The following MBNL1 variants were observed in gnomAD, a reference collection of about 807,000 sequenced individuals.
MBNL1 encodes the protein muscleblind like splicing regulator 1.
A neutral mutation model predicts 42.2 loss-of-function variants in MBNL1; 8 were observed. The observed-to-expected ratio is 0.19, with a 90% CI of 0.11 to 0.34. The LOEUF (loss-of-function observed/expected upper bound fraction) is 0.34. Among genes scored for constraint, MBNL1 ranks in the 10% least tolerant of loss-of-function variants. MBNL1 has a pLI of 1.00. For missense variants in MBNL1, 309 were observed against 495.3 expected, an observed-to-expected ratio of 0.62 and a Z score of 3.57; for synonymous variants, 169 against 173.9, an observed-to-expected ratio of 0.97 and a Z score of 0.22.
chr3:152,247,586 T>G (rs1334446810), intron 2 of MBNL1, among the ~76,000 whole-genome samples: 3 of 152,016 alleles, frequency 2.0e-5, no homozygotes, highest in Non-Finnish European at 4.4e-5. Context: ...CACTGTTCAT[T>G]AATTTTTAAT....
intron 2 of MBNL1, among the ~76,000 whole-genome samples, chr3:152,409,769 C>T (rs2098522567): frequency 6.6e-6 from 1 of 152,132 alleles, no homozygotes; most frequent in African/African-American, 2.4e-5. Flanking sequence ...TAATTGTAAT[C>T]CTGCCACATA....
At chr3:152,457,907 A>G (rs1334413088) in intron 8 of MBNL1, 2 of 488,050 alleles carry the variant, frequency 4.1e-6, no homozygotes, top group Non-Finnish European at 7.3e-6. Context: ...ATAATCTTGG[A>G]TCTTCATACT....
chr3:152,273,142 TTTGTATA>T (rs1055435714), intron 1 of MBNL1, among the ~76,000 whole-genome samples: 1 of 152,178 alleles, frequency 6.6e-6, no homozygotes, highest in Non-Finnish European at 1.5e-5. Context: ...CCCCATTAAC[TTTGTATA>T]TTGTTTCTGA....
At chr3:152,384,586 A>G (rs1245821357) in intron 2 of MBNL1, among the ~76,000 whole-genome samples, 2 of 152,112 alleles carry the variant, frequency 1.3e-5, no homozygotes, top group Admixed American at 6.6e-5. Flanking sequence ...TGCAGTGAGC[A>G]TATTTAACAT....
intron 6 of MBNL1, among the ~76,000 whole-genome samples, chr3:152,452,117 A>T (rs1257552023): frequency 6.6e-6 from 1 of 152,218 alleles, no homozygotes; most frequent in African/African-American, 2.4e-5. Context: ...GGTTAAATTC[A>T]TATTGAAGTT....
At chr3:152,317,384 A>G (rs75518394) in intron 2 of MBNL1, among the ~76,000 whole-genome samples, 2 of 152,216 alleles carry the variant, frequency 1.3e-5, no homozygotes, top group South Asian at 4.2e-4. Flanking sequence ...CAGTGGCGCA[A>G]TCTTAGCTCA....
chr3:152,439,318 A>G (rs928164650), intron 4 of MBNL1, among the ~76,000 whole-genome samples: 9 of 152,234 alleles, frequency 5.9e-5, no homozygotes, highest in East Asian at 1.9e-4. Context: ...AAGCATGCCT[A>G]TGTTGGGATT....
chr3:152,445,550 A>C lies in MBNL1; in HGVS notation c.807+11A>C. 1 of 1,602,252 alleles carries C rather than the reference A, an allele frequency of 6.2e-7. No individual in the cohort carries two copies. On this transcript the variant is annotated intron_variant, in intron 5 of 9. Coordinates refer to ENST00000324210, the MANE Select transcript of MBNL1 (RefSeq NM_021038.5). ...ACCGCAGCTGCCATGGTGAGTAGAGATATCAGCTCTCTCCTTGTTAGCAGT... is the reference window on the plus strand; with the variant it reads ...ACCGCAGCTGCCATGGTGAGTAGAGCTATCAGCTCTCTCCTTGTTAGCAGT...
intron 2 of MBNL1, chr3:152,338,390 G>A (rs2091928901): frequency 1.0e-6 from 1 of 985,276 alleles, no homozygotes; most frequent in African/African-American, 1.7e-5. Flanking sequence ...CCTTGTGAAA[G>A]CGGGGAATAT....
At chr3:152,263,092 T>C (rs2036574105), upstream of MBNL1, 1 of 152,206 alleles carries the variant, frequency 6.6e-6, no homozygotes, top group South Asian at 2.1e-4. Context: ...TGCAAGGCTT[T>C]GGTCAAGGGC....
At chr3:152,363,000 T>C (rs1560296529) in intron 2 of MBNL1, among the ~76,000 whole-genome samples, 1 of 152,106 alleles carries the variant, frequency 6.6e-6, no homozygotes. Flanking sequence ...GTTTTTAAAA[T>C]TAAGATAGGC....
chr3:152,360,355 G>A (rs565602236), intron 2 of MBNL1, among the ~76,000 whole-genome samples: 16 of 152,026 alleles, frequency 1.1e-4, no homozygotes, highest in Admixed American at 1.3e-4. Flanking sequence ...TCATATACCC[G>A]TTTAATAATT....
chr3:152,270,962 A>T (rs2041259164), intron 1 of MBNL1, among the ~76,000 whole-genome samples: 1 of 152,206 alleles, frequency 6.6e-6, no homozygotes. Context: ...ATCTATAATT[A>T]TAGTGTCACT....
chr3:152,277,774 A>G (rs1028324438), intron 1 of MBNL1, among the ~76,000 whole-genome samples: 2 of 152,174 alleles, frequency 1.3e-5, no homozygotes, highest in Non-Finnish European at 2.9e-5. Flanking sequence ...TATTTAATAT[A>G]CAGAGAAAAA....
chr3:152,314,617 C>T (rs531383732), intron 2 of MBNL1, among the ~76,000 whole-genome samples: 16 of 152,236 alleles, frequency 1.1e-4, no homozygotes, highest in Non-Finnish European at 1.3e-4. Context: ...TCAGGCGATC[C>T]GCCTGTCTCA....
chr3:152,426,326 C>T (rs1336756015), intron 3 of MBNL1, among the ~76,000 whole-genome samples: 1 of 152,046 alleles, frequency 6.6e-6, no homozygotes, highest in East Asian at 1.9e-4. Flanking sequence ...ACGTTCTGCA[C>T]ATGTATCCCA....
intron 2 of MBNL1, among the ~76,000 whole-genome samples, chr3:152,303,118 A>G (rs2061424827): frequency 6.6e-6 from 1 of 152,156 alleles, no homozygotes; most frequent in Admixed American, 6.5e-5. Flanking sequence ...GAAGAAAATT[A>G]GCTCACTATT....
intron 2 of MBNL1, among the ~76,000 whole-genome samples, chr3:152,330,648 C>G (rs1578078775): frequency 1.3e-5 from 2 of 152,258 alleles, no homozygotes; most frequent in South Asian, 4.1e-4. Context: ...TGCAATTTCA[C>G]TTTCTGCAGT....
In MBNL1 at chr3:152,447,530, C is replaced by G; in HGVS notation, c.808-90C>G. On this transcript the variant is annotated intron_variant, in intron 5 of 9. Coordinates refer to ENST00000324210, the MANE Select transcript of MBNL1 (RefSeq NM_021038.5). ...GTGCTCTGCTGCTTGCTTGCTCATG[C>G]TTCCTAACAATTTTAGCCTTCGACT... 3.1e-6 allele frequency: 3 copies of G among 957,890 alleles called. No individual in the cohort carries two copies. In the Admixed American group the frequency reaches 6.8e-5, roughly 22 times the overall value. 59.3% of individuals were successfully genotyped at this position (957,890 alleles called of 1,614,324 possible).
Sources: gnomAD v4.1 joint callset for allele counts (sites outside exome capture counted in the v4.1 genomes callset) on GRCh38, gnomAD v4.1.1 for gene constraint, MANE v1.5 for transcripts, NCBI Gene and HGNC (gene_info 2026-07-23, HGNC 2026-07-21) for gene names.